Variants in KLHL7 observed in about 807,000 individuals in gnomAD.
The protein encoded by KLHL7 is kelch-like protein 7.
A neutral mutation model predicts 67.4 loss-of-function variants in KLHL7; 44 were observed. The observed-to-expected ratio is 0.65, with a 90% CI of 0.51 to 0.84. KLHL7 has a LOEUF of 0.84. Among genes scored for constraint, KLHL7 ranks in the 40% least tolerant of loss-of-function variants. The pLI is 0.00. For missense variants in KLHL7, 362 were observed against 718.1 expected (o/e 0.50, Z 5.67); for synonymous variants, 252 against 243.3 (o/e 1.04, Z -0.33).
intron 4 of KLHL7, among the ~76,000 whole-genome samples, chr7:23,140,292 T>C (rs536291031): frequency 1.1e-4 from 16 of 152,276 alleles, no homozygotes; most frequent in Admixed American, 3.3e-4. Context: ...CGGTGGCTCA[T>C]GCCTGTAATC....
intron 7 of KLHL7, chr7:23,156,001 A>T (rs1265063540): frequency 2.1e-6 from 1 of 467,366 alleles, no homozygotes; most frequent in Non-Finnish European, 4.4e-6. Flanking sequence ...TTGAAAAGAG[A>T]TGCATATTCT....
At chr7:23,117,339 T>C (rs1783134005) in intron 1 of KLHL7, among the ~76,000 whole-genome samples, 2 of 152,132 alleles carry the variant, frequency 1.3e-5, no homozygotes, top group Admixed American at 1.3e-4. Context: ...CCACATGCCT[T>C]GGCTCCCAAA....
At chr7:23,149,722 C>T (rs191442182) in intron 6 of KLHL7, among the ~76,000 whole-genome samples, 1 of 152,182 alleles carries the variant, frequency 6.6e-6, no homozygotes, top group Admixed American at 6.5e-5. Context: ...AAGAATATTC[C>T]ACAGAAACCA....
At chr7:23,108,686 G>T (rs1245726606) in intron 1 of KLHL7, among the ~76,000 whole-genome samples, 1 of 152,226 alleles carries the variant, frequency 6.6e-6, no homozygotes, top group Admixed American at 6.5e-5. Context: ...ATTAAGAGGA[G>T]CTCTTTGTTC....
Position 23,165,789 on chromosome 7 carries a change from G to A in KLHL7, c.1028G>A (p.Gly343Asp). The A allele has an allele frequency of 6.2e-7, 1 of 1,614,098 alleles. No individual in the cohort carries two copies. The highest frequency in any genetic ancestry group is 8.5e-7 in the Non-Finnish European group (1 of 1,179,990). Residue 343 changes from glycine (G) to aspartate (D), a missense_variant, in exon 8 of 11, where the codon GGC becomes GAC. Coordinates refer to ENST00000339077, the MANE Select transcript of KLHL7 (RefSeq NM_001031710.3). ...GACAATGTAGTATACATTTTGGGAGGCTCTCAGCTTTTCCCAATAAAGCGA... is the reference window on the plus strand; with the variant it reads ...GACAATGTAGTATACATTTTGGGAGACTCTCAGCTTTTCCCAATAAAGCGA... The part of the protein sequence containing the change: ...FWDNVVYILG[G>D]SQLFPIKRMD...
intron 2 of KLHL7, 51 bp downstream of exon 2, chr7:23,123,930 T>C (rs1210781706): frequency 1.6e-6 from 2 of 1,228,136 alleles, no homozygotes; most frequent in Non-Finnish European, 2.4e-6. Context: ...GAGAATGAAG[T>C]AAAATCTAAA....
At chr7:23,113,559 A>C (rs1782962591) in intron 1 of KLHL7, among the ~76,000 whole-genome samples, 1 of 152,158 alleles carries the variant, frequency 6.6e-6, no homozygotes, top group South Asian at 2.1e-4. Context: ...GGCCGGGCAC[A>C]GTGGCTTACG....
At chr7:23,165,555 G>T in intron 7 of KLHL7, 143 bp from the exon 8 acceptor site, 1 of 970,622 alleles carries the variant, frequency 1.0e-6, no homozygotes, top group Non-Finnish European at 1.6e-6. Context: ...AGATTAAATT[G>T]GTAATAGTCT....
intron 5 of KLHL7, among the ~76,000 whole-genome samples, chr7:23,143,071 AC>A (rs1408879220): frequency 6.6e-6 from 1 of 152,218 alleles, no homozygotes; most frequent in Admixed American, 6.5e-5. Flanking sequence ...TTAAAAAAAG[AC>A]CAATTCCCAT....
chr7:23,126,200 T>C (rs1168254144), intron 4 of KLHL7: 1 of 340,988 alleles, frequency 2.9e-6, no homozygotes, highest in Non-Finnish European at 5.6e-6. Flanking sequence ...ATGGATATGC[T>C]GGTCAAAGGG....
intron 6 of KLHL7, among the ~76,000 whole-genome samples, chr7:23,148,638 T>C (rs1166897791): frequency 6.6e-6 from 1 of 152,242 alleles, no homozygotes; most frequent in Non-Finnish European, 1.5e-5. Flanking sequence ...GTGTGTTATT[T>C]TTCTGGCCTT....
chr7:23,165,701 T>C lies in KLHL7; in HGVS notation c.940T>C (p.Tyr314His). 1 of 1,614,174 alleles carries C rather than the reference T, an allele frequency of 6.2e-7. No homozygotes were observed. The highest frequency in any genetic ancestry group is 8.5e-7 in the Non-Finnish European group (1 of 1,179,994). Residue 314 changes from tyrosine (Y) to histidine (H), a missense_variant, in exon 8 of 11, where the codon TAT becomes CAT. By Grantham distance (83) the Tyr-to-His change is moderately conservative. This residue lies in a region of KLHL7 where 155 missense variants were observed against 280.8 expected (regional missense o/e 0.55). Coordinates refer to ENST00000339077, the MANE Select transcript of KLHL7 (RefSeq NM_001031710.3). The part of the protein sequence containing the change: ...QSCRYFNPKD[Y>H]SWTDIRCPFE... The stretch of plus-strand genomic sequence containing the variant: ...TTCCCATCCTTTTCTGCTACAGGAT[T>C]ATAGCTGGACAGACATCCGCTGCCC...
chr7:23,147,149 G>A (rs939835504), intron 6 of KLHL7, among the ~76,000 whole-genome samples: 1 of 150,506 alleles, frequency 6.6e-6, no homozygotes, highest in Non-Finnish European at 1.5e-5. Context: ...GAGTGCAGTG[G>A]CATGATCTTG....
At chr7:23,129,379 C>G (rs533227175) in intron 4 of KLHL7, 2 of 386,702 alleles carry the variant, frequency 5.2e-6, no homozygotes, top group South Asian at 4.4e-5. Context: ...AAACTCATCC[C>G]AAATGATGTT....
At chr7:23,125,981 A>C (rs1320511053) in intron 4 of KLHL7, 2 of 801,042 alleles carry the variant, frequency 2.5e-6, no homozygotes, top group Admixed American at 2.0e-5. Context: ...CCTATGATGA[A>C]GTTTAATTTC....
chr7:23,163,603 T>C (rs1416896348), intron 7 of KLHL7, among the ~76,000 whole-genome samples: 2 of 152,028 alleles, frequency 1.3e-5, no homozygotes, highest in African/African-American at 4.8e-5. Flanking sequence ...AAGAAAGAAA[T>C]CAGGAAAACC....
intron 4 of KLHL7, among the ~76,000 whole-genome samples, chr7:23,138,042 G>T (rs1784043853): frequency 6.6e-6 from 1 of 151,798 alleles, no homozygotes; most frequent in Admixed American, 6.6e-5. Context: ...CTGGCGTGCT[G>T]GTTGGTGCCT....
At chr7:23,161,506 T>C (rs1485387663) in intron 7 of KLHL7, among the ~76,000 whole-genome samples, 1 of 152,242 alleles carries the variant, frequency 6.6e-6, no homozygotes, top group African/African-American at 2.4e-5. Context: ...TTCTTTAGGA[T>C]AAATTCCTAG....
chr7:23,113,879 G>A (rs1782979157), intron 1 of KLHL7, among the ~76,000 whole-genome samples: 1 of 152,152 alleles, frequency 6.6e-6, no homozygotes, highest in Non-Finnish European at 1.5e-5. Flanking sequence ...TGGTTGCCAG[G>A]CTGTTAATTC....
Sources: gnomAD v4.1 joint callset for allele counts (sites outside exome capture counted in the v4.1 genomes callset) on GRCh38, gnomAD v4.1.1 for gene constraint, gnomAD v4.1.1 regional missense constraint, MANE v1.5 for transcripts, NCBI Gene and HGNC (gene_info 2026-07-23, HGNC 2026-07-21) for gene names.